The following ABR variants were observed in gnomAD, a reference collection of about 807,000 sequenced individuals.
The protein encoded by ABR is active breakpoint cluster region-related protein.
Under a neutral mutation model 107.2 loss-of-function variants are expected in ABR, and 35 were observed. The ratio of observed to expected loss-of-function variants is 0.33; its 90% CI spans 0.25 to 0.43. The LOEUF (loss-of-function observed/expected upper bound fraction) is 0.43, where lower values mean the gene tolerates loss of function less well. Ranked by LOEUF, ABR falls within the 20% of genes least tolerant of loss-of-function variation. ABR has a pLI of 1.00. For missense variants in ABR, 815 were observed against 1,115.2 expected (o/e 0.73, Z 3.83); for synonymous variants, 498 against 462.0 (o/e 1.08, Z -1.00).
intron 6 of ABR, among the ~76,000 whole-genome samples, chr17:1,074,397 G>A (rs1229171257): frequency 3.3e-5 from 5 of 150,778 alleles, no homozygotes; most frequent in African/African-American, 9.7e-5. Flanking sequence ...CAGCATACCT[G>A]CCACACGCAG....
rs1171658655 is a variant in ABR at position 1,154,984 on chromosome 17, A to T, written c.61+24683T>A. The T allele has an allele frequency of 6.6e-6, 1 of 151,646 alleles. No homozygotes were observed. Among genetic ancestry groups the T allele is most frequent in the Non-Finnish European group, 1.5e-5 (1 of 67,988 alleles). The allele number at this position is 151,646 out of a possible 1,614,324, so 9.4% of individuals were successfully genotyped here. ...CCTGCCAGGACGCTGTGCCAGGAGG[A>T]GGGATCTGCAGATCCCTTCCCGGGC... On this transcript the variant is annotated intron_variant, in intron 1 of 22. Coordinates refer to ENST00000302538, the MANE Select transcript of ABR (RefSeq NM_021962.5). This position sits in a 1 kb window ranked among gnomAD's most constrained non-coding sequence, Gnocchi z 4.0.
chr17:1,194,781 G>A (rs2042517691), intron 1 of ABR, among the ~76,000 whole-genome samples: 2 of 122,768 alleles, frequency 1.6e-5, no homozygotes, highest in African/African-American at 5.6e-5. Context: ...AGCCCCCCTA[G>A]TAGCTGGGAT....
At chr17:1,126,254 C>T (rs1274875401) in intron 1 of ABR, 1 of 152,524 alleles carries the variant, frequency 6.6e-6, no homozygotes, top group African/African-American at 2.4e-5. Flanking sequence ...CCCCTGCGTC[C>T]AGCCCCACCA....
chr17:1,039,103 T>G (rs540922436), intron 16 of ABR, among the ~76,000 whole-genome samples: 180 of 152,230 alleles, frequency 1.2e-3, no homozygotes, highest in African/African-American at 4.3e-3. Flanking sequence ...TGAGAACACC[T>G]TTTTTTGGTC....
intron 16 of ABR, chr17:1,031,525 GC>G: frequency 3.5e-6 from 1 of 282,882 alleles, no homozygotes; most frequent in Non-Finnish European, 6.1e-6. Flanking sequence ...AGCCCCCGCA[GC>G]CCCCGCAGCC....
Position 1,051,614 on chromosome 17 carries a change from G to C in ABR, c.1562-980C>G, listed in dbSNP as rs1192144780. Among the ~76,000 whole-genome samples, 1 of 152,230 alleles carries C rather than the reference G, an allele frequency of 6.6e-6. No individual in the cohort carries two copies. The highest frequency in any genetic ancestry group is 1.5e-5 in the Non-Finnish European group (1 of 68,038). The stretch of plus-strand genomic sequence containing the variant: ...CCTCCCACCTCCAGGGAGATGCCGA[G>C]GTTGTTCCCAGGGTACCAGAGGTGG... On this transcript the variant is annotated intron_variant, in intron 14 of 22. Transcript: ENST00000302538. This position sits in a 1 kb window ranked among gnomAD's most constrained non-coding sequence, Gnocchi z 4.3.
At chr17:1,189,344 G>T (rs926987344), upstream of ABR, among the ~76,000 whole-genome samples, 11 of 137,306 alleles carry the variant, frequency 8.0e-5, no homozygotes, top group African/African-American at 2.9e-4. Context: ...ACCTGTCTAT[G>T]GCTTCCTTTT....
intron 10 of ABR, among the ~76,000 whole-genome samples, chr17:1,060,817 C>T (rs1028582244): frequency 6.6e-6 from 1 of 151,916 alleles, no homozygotes; most frequent in African/African-American, 2.4e-5. Context: ...ACGGTGAAAC[C>T]CCGTCTCTAC....
chr17:1,144,429 C>T (rs1264539484), intron 1 of ABR, among the ~76,000 whole-genome samples: 3 of 151,924 alleles, frequency 2.0e-5, no homozygotes, highest in Non-Finnish European at 2.9e-5. Context: ...ATCTGGGTCC[C>T]GCGTCCAGAC....
chr17:1,180,441 C>T (rs2042096687), upstream of ABR, among the ~76,000 whole-genome samples: 1 of 152,194 alleles, frequency 6.6e-6, no homozygotes, highest in South Asian at 2.1e-4. Flanking sequence ...CCCGAACCTT[C>T]CCCCGCTCGT....
chr17:1,010,750 G>A lies in ABR; in HGVS notation c.2215C>T (p.Pro739Ser). 4 of 1,613,758 alleles carry A rather than the reference G, an allele frequency of 2.5e-6. No individual in the cohort carries two copies. Among genetic ancestry groups the A allele is most frequent in the Non-Finnish European group, 2.5e-6 (3 of 1,180,026 alleles). Residue 739 changes from proline (P) to serine (S), a missense_variant, in exon 20 of 23, where the codon CCA (proline) becomes TCA (serine). By Grantham distance (74) the Pro-to-Ser change is moderately conservative. Coordinates refer to ENST00000302538, the MANE Select transcript of ABR (RefSeq NM_021962.5). The surrounding 1 kb of genome is among the most constrained non-coding windows in gnomAD (Gnocchi z 4.1). ...PEPLLTDRLYPAFMEGIALSD... is the reference protein window; with the variant it reads ...PEPLLTDRLYSAFMEGIALSD... ...TCACCGATGCCCTCCATGAAGGCTG[G>A]GTAGAGTCGGTCCGTGAGGAGCGGC...
At chr17:1,117,304 T>A (rs369800280) in intron 2 of ABR, among the ~76,000 whole-genome samples, 12 of 71,132 alleles carry the variant, frequency 1.7e-4, no homozygotes, top group African/African-American at 2.7e-4. Flanking sequence ...CCCAGCGTTA[T>A]CCCTGAGCCT....
chr17:1,009,525 A>G (rs1051951471), intron 21 of ABR, among the ~76,000 whole-genome samples, 154 bp downstream of exon 21: 2 of 151,636 alleles, frequency 1.3e-5, no homozygotes, highest in African/African-American at 4.8e-5. Flanking sequence ...GATGGAGGCC[A>G]GCGCCCACGA....
intron 1 of ABR, among the ~76,000 whole-genome samples, chr17:1,159,759 G>A (rs72631498): frequency 0.072 from 9,584 of 132,810 alleles, 884 homozygotes; most frequent in East Asian, 0.35. Flanking sequence ...AAGTAGGAAC[G>A]CAGTACTCAC....
chr17:1,144,392 C>T (rs115185476), intron 1 of ABR, among the ~76,000 whole-genome samples: 438 of 152,022 alleles, frequency 2.9e-3, no homozygotes, highest in African/African-American at 9.6e-3. Flanking sequence ...CGGGATTCAA[C>T]GAGGTGGGCA....
intron 1 of ABR, among the ~76,000 whole-genome samples, chr17:1,141,828 G>A (rs1479837928): frequency 6.7e-6 from 1 of 149,908 alleles, no homozygotes; most frequent in African/African-American, 2.5e-5. Context: ...GCACAATCTT[G>A]GCTCACTGCA....
intron 1 of ABR, among the ~76,000 whole-genome samples, chr17:1,171,589 G>C (rs1354539583): frequency 6.6e-6 from 1 of 152,160 alleles, no homozygotes; most frequent in Non-Finnish European, 1.5e-5. Context: ...ATGTCCACCT[G>C]TGACCTAGAG....
At chr17:1,102,072 A>G (rs2037936199) in intron 2 of ABR, among the ~76,000 whole-genome samples, 1 of 152,002 alleles carries the variant, frequency 6.6e-6, no homozygotes. Context: ...TCGGCCCTAG[A>G]CTGGGACATG....
intron 1 of ABR, among the ~76,000 whole-genome samples, chr17:1,130,167 C>T (rs2039764816): frequency 1.3e-5 from 2 of 152,110 alleles, no homozygotes; most frequent in African/African-American, 4.8e-5. Flanking sequence ...CTGGTACTCG[C>T]CAGCTTCCAT....
Sources: gnomAD v4.1 joint callset for allele counts (sites outside exome capture counted in the v4.1 genomes callset) on GRCh38, gnomAD v4.1.1 for gene constraint, Gnocchi (gnomAD v3.1) non-coding constraint, MANE v1.5 for transcripts, NCBI Gene and HGNC (gene_info 2026-07-23, HGNC 2026-07-21) for gene names.